FOXP2: variants seen among roughly 807,000 people sequenced by gnomAD.
The protein encoded by FOXP2 is forkhead box protein P2.
In FOXP2, 12 loss-of-function variants were observed where a neutral mutation model predicts 115.8. The ratio of observed to expected loss-of-function variants is 0.10; its 90% CI spans 0.07 to 0.17. The LOEUF is 0.17. Among genes scored for constraint, FOXP2 ranks in the 10% least tolerant of loss-of-function variants. The pLI, the probability that FOXP2 is intolerant of heterozygous loss-of-function variation, is 1.00. For synonymous variants in FOXP2, 328 were observed against 297.7 expected (o/e 1.10, Z -1.05); for missense variants, 629 against 843.5 (o/e 0.75, Z 3.15).
rs940979639 is a variant in FOXP2, at chr7:114,652,130, CT to C, written c.1095-68del. On this transcript the variant is annotated intron_variant, in intron 8 of 16. Transcript: ENST00000350908. ...AGAAACATCTGACTTCAGTGTAGTGCTTTTTAAGTGTAGCCTATGCCACTAA... is the reference window on the plus strand; with the variant it reads ...AGAAACATCTGACTTCAGTGTAGTGCTTTTAAGTGTAGCCTATGCCACTAA... 12 of 1,394,018 alleles carry C rather than the reference CT, an allele frequency of 8.6e-6. No individual in the cohort carries two copies. In the African/African-American group the frequency reaches 1.6e-4, roughly 18 times the overall value. The allele number at this position is 1,394,018 out of a possible 1,614,324, so 86.4% of individuals were successfully genotyped here. A position where few individuals can be genotyped will look rare whatever the true frequency, so the allele number is the denominator to read the frequency against.
chr7:114,633,031 A>G (rs1346205897), intron 6 of FOXP2, among the ~76,000 whole-genome samples: 1 of 152,130 alleles, frequency 6.6e-6, no homozygotes, highest in African/African-American at 2.4e-5. Flanking sequence ...AAACTATACT[A>G]AAACAGAAAA....
intron 3 of FOXP2, among the ~76,000 whole-genome samples, chr7:114,546,815 A>T (rs550750021): frequency 6.6e-6 from 1 of 152,178 alleles, no homozygotes; most frequent in African/African-American, 2.4e-5. Flanking sequence ...TCAATCGCAG[A>T]CTCTAAATCT....
chr7:114,574,247 A>C (rs2129297719), intron 3 of FOXP2, among the ~76,000 whole-genome samples: 1 of 151,924 alleles, frequency 6.6e-6, no homozygotes, highest in African/African-American at 2.4e-5. Context: ...TCACTATTCT[A>C]AGAGTAACAA....
intron 2 of FOXP2, among the ~76,000 whole-genome samples, chr7:114,296,595 A>G (rs1796746797): frequency 6.6e-6 from 1 of 152,254 alleles, no homozygotes; most frequent in East Asian, 1.9e-4. Context: ...AGGAAGAAAA[A>G]TGTTAGAGTG....
At chr7:114,677,660 A>G (rs1315418939) in intron 16 of FOXP2, among the ~76,000 whole-genome samples, 2 of 152,158 alleles carry the variant, frequency 1.3e-5, no homozygotes, top group Non-Finnish European at 2.9e-5. Context: ...GTACTGGTAA[A>G]TTTCACAACA....
chr7:114,269,379 G>C (rs945255688), intron 1 of FOXP2, among the ~76,000 whole-genome samples: 2 of 152,110 alleles, frequency 1.3e-5, no homozygotes, highest in South Asian at 2.1e-4. Flanking sequence ...GGTAGTTTAA[G>C]GAGCTCTTTT....
intron 2 of FOXP2, among the ~76,000 whole-genome samples, chr7:114,339,275 G>T (rs1470941068): frequency 6.6e-6 from 1 of 151,068 alleles, no homozygotes; most frequent in Non-Finnish European, 1.5e-5. Flanking sequence ...GTGCAACATG[G>T]TATATGATAA....
chr7:114,345,449 T>G lies in FOXP2; in HGVS notation c.-11+57340T>G, dbSNP rs538567360. Reference sequence around the variant, plus strand: ...TCCATAAGCTTAAACTAAAACTTCTTTCAAGGTAGTGGTTAACAGTTGTTT... The same window carrying G: ...TCCATAAGCTTAAACTAAAACTTCTGTCAAGGTAGTGGTTAACAGTTGTTT... On this transcript the variant is annotated intron_variant, in intron 2 of 17. Transcript: ENST00000634411. 2.0e-5 allele frequency among the ~76,000 whole-genome samples: 3 copies of G among 151,940 alleles called. No individual in the cohort carries two copies. In the East Asian group the frequency reaches 5.8e-4, roughly 29 times the overall value.
chr7:114,648,514 GT>G (rs1289610714), intron 8 of FOXP2, among the ~76,000 whole-genome samples: 1 of 151,986 alleles, frequency 6.6e-6, no homozygotes, highest in Non-Finnish European at 1.5e-5. Flanking sequence ...AAATCCAGAG[GT>G]TAAAATTGAA....
chr7:114,215,706 A>T (rs1452826611), intron 1 of FOXP2, among the ~76,000 whole-genome samples: 2 of 151,476 alleles, frequency 1.3e-5, no homozygotes, highest in East Asian at 3.9e-4. Context: ...GGTACCTGGC[A>T]CATAGAAGTT....
Position 114,642,801 on chromosome 7 carries a change from TA to T in FOXP2, c.989+179del, listed in dbSNP as rs1247247829. 0.25 allele frequency among the ~76,000 whole-genome samples: 17,054 copies of T among 67,402 alleles called. 3,224 individuals are homozygous for T. The highest frequency in any genetic ancestry group is 0.33 in the Non-Finnish European group (12,482 of 38,336). 44.2% of individuals were successfully genotyped at this position (67,402 alleles called of 152,430 possible). ...TATAATATATATATATATATATATA[TA>T]TATATATATATTTTTTTTTTTTTTT... is the stretch of plus-strand genomic sequence containing the variant. On this transcript the variant is annotated intron_variant, in intron 7 of 16. Coordinates refer to ENST00000350908, the MANE Select transcript of FOXP2 (RefSeq NM_014491.4).
At chr7:114,396,120 T>G (rs1445745760) in intron 2 of FOXP2, among the ~76,000 whole-genome samples, 1 of 151,648 alleles carries the variant, frequency 6.6e-6, no homozygotes, top group Non-Finnish European at 1.5e-5. Context: ...TTATTTCTAT[T>G]TTTTTTTGTA....
intron 3 of FOXP2, among the ~76,000 whole-genome samples, chr7:114,559,964 A>C (rs916598150): frequency 1.3e-5 from 2 of 152,126 alleles, no homozygotes; most frequent in Admixed American, 1.3e-4. Flanking sequence ...TAATAGGTTA[A>C]TATGAAGTAC....
At chr7:114,449,078 C>T (rs1449828967) in intron 2 of FOXP2, among the ~76,000 whole-genome samples, 1 of 151,876 alleles carries the variant, frequency 6.6e-6, no homozygotes, top group Non-Finnish European at 1.5e-5. Context: ...AGTATTGTCC[C>T]CACAGCATTG....
intron 1 of FOXP2, among the ~76,000 whole-genome samples, chr7:114,271,744 A>G (rs1796056096): frequency 8.5e-6 from 1 of 117,604 alleles, no homozygotes; most frequent in African/African-American, 3.5e-5. Context: ...TTAAATACAT[A>G]TGCATTAAAT....
chr7:114,389,421 G>A (rs556724934), intron 2 of FOXP2, among the ~76,000 whole-genome samples: 1 of 152,336 alleles, frequency 6.6e-6, no homozygotes, highest in South Asian at 2.1e-4. Context: ...CAGACTATTG[G>A]TTGTGTGCCT....
At chr7:114,402,983 A>G (rs2129197011) in intron 2 of FOXP2, among the ~76,000 whole-genome samples, 1 of 152,184 alleles carries the variant, frequency 6.6e-6, no homozygotes, top group South Asian at 2.1e-4. Context: ...TACTGCCTCT[A>G]CACCTTACCA....
At chr7:114,547,683 C>T (rs1003355068) in intron 3 of FOXP2, among the ~76,000 whole-genome samples, 3 of 151,994 alleles carry the variant, frequency 2.0e-5, no homozygotes, top group Admixed American at 1.3e-4. Flanking sequence ...TTCTCAAACC[C>T]GGGAGGCGGA....
chr7:114,689,642 G>T, intron 16 of FOXP2, 140 bp from the exon 17 acceptor site: 1 of 789,576 alleles, frequency 1.3e-6, no homozygotes, highest in Non-Finnish European at 2.1e-6. Context: ...ACCAGCTCAC[G>T]CAATCAATCA....
Sources: gnomAD v4.1 joint callset for allele counts (sites outside exome capture counted in the v4.1 genomes callset) on GRCh38, gnomAD v4.1.1 for gene constraint, MANE v1.5 for transcripts, NCBI Gene and HGNC (gene_info 2026-07-23, HGNC 2026-07-21) for gene names.